GHR: variants seen among roughly 807,000 people sequenced by gnomAD.
The protein encoded by GHR is GH receptor.
Under a neutral mutation model 67.1 loss-of-function variants are expected in GHR, and 35 were observed. The ratio of observed to expected loss-of-function variants is 0.52; its 90% CI spans 0.40 to 0.69. The LOEUF is 0.69. GHR is among the 30% of genes least tolerant of loss of function. The probability of loss-of-function intolerance (pLI) is 0.00; values close to 1 mark genes in which losing one functional copy is unlikely to be tolerated. For missense variants in GHR, 792 were observed against 764.6 expected (o/e 1.04, Z -0.42); for synonymous variants, 272 against 269.1 (o/e 1.01, Z -0.10).
chr5:42,492,788 A>G (rs1746168664), intron 1 of GHR, among the ~76,000 whole-genome samples: 1 of 152,190 alleles, frequency 6.6e-6, no homozygotes, highest in Admixed American at 6.5e-5. Flanking sequence ...AAGCTTTACA[A>G]ATGGGGCAAC....
intron 1 of GHR, among the ~76,000 whole-genome samples, chr5:42,439,437 A>G (rs570336682): frequency 6.6e-6 from 1 of 152,232 alleles, no homozygotes; most frequent in Non-Finnish European, 1.5e-5. Context: ...TCAGAGGTCA[A>G]GTCATTTCTT....
chr5:42,456,065 C>T (rs1008224126), intron 1 of GHR, among the ~76,000 whole-genome samples: 1 of 152,236 alleles, frequency 6.6e-6, no homozygotes, highest in African/African-American at 2.4e-5. Context: ...GTAATCCCAG[C>T]ATTTTGGGAG....
At chr5:42,659,908 T>G (rs755459949) in intron 3 of GHR, among the ~76,000 whole-genome samples, 1 of 152,134 alleles carries the variant, frequency 6.6e-6, no homozygotes, top group African/African-American at 2.4e-5. Flanking sequence ...CCCACCCTAA[T>G]ACTGCGCTTT....
chr5:42,645,277 G>A (rs566358385), intron 3 of GHR, among the ~76,000 whole-genome samples: 13 of 152,140 alleles, frequency 8.5e-5, no homozygotes, highest in African/African-American at 3.1e-4. Flanking sequence ...TATCTGGCAC[G>A]ATGGTATTTG....
intron 2 of GHR, among the ~76,000 whole-genome samples, chr5:42,585,340 G>A (rs1751419196): frequency 1.3e-5 from 2 of 152,248 alleles, no homozygotes; most frequent in South Asian, 2.1e-4. Flanking sequence ...ACAGGTAAAA[G>A]GACCCTAGAT....
intron 3 of GHR, among the ~76,000 whole-genome samples, chr5:42,675,762 T>A (rs1756541754): frequency 6.6e-6 from 1 of 152,206 alleles, no homozygotes. Flanking sequence ...GACACTGCTA[T>A]ACAAATGAGC....
At chr5:42,574,820 G>T (rs1750558563) in intron 2 of GHR, among the ~76,000 whole-genome samples, 1 of 152,124 alleles carries the variant, frequency 6.6e-6, no homozygotes, top group African/African-American at 2.4e-5. Context: ...GAACTGGGTT[G>T]CTATTCACCC....
Position 42,671,722 on chromosome 5 carries a change from C to T in GHR, c.137-17168C>T, listed in dbSNP as rs182246056. ...CTGTAATCCCAGCACTTTGGGAGGC[C>T]GAGGTGGGCGGATCACGAGGTCAGG... is the stretch of plus-strand genomic sequence containing the variant. On this transcript the variant is annotated intron_variant, in intron 3 of 9. Coordinates refer to ENST00000230882, the MANE Select transcript of GHR (RefSeq NM_000163.5). 2.8e-4 allele frequency among the ~76,000 whole-genome samples: 43 copies of T among 151,214 alleles called. 4 individuals are homozygous for T. The highest frequency in any genetic ancestry group is 9.7e-4 in the African/African-American group (40 of 41,280).
chr5:42,469,958 A>C (rs1744923209), intron 1 of GHR, among the ~76,000 whole-genome samples: 1 of 151,692 alleles, frequency 6.6e-6, no homozygotes, highest in Admixed American at 6.6e-5. Context: ...CAGTAATTTA[A>C]GTCTCACCTC....
intron 1 of GHR, among the ~76,000 whole-genome samples, chr5:42,486,106 A>G (rs1170936637): frequency 6.6e-6 from 1 of 152,178 alleles, no homozygotes; most frequent in Non-Finnish European, 1.5e-5. Context: ...CCATTCTAAC[A>G]AGCTCCCAGG....
At chr5:42,597,180 G>A (rs1169906210) in intron 2 of GHR, among the ~76,000 whole-genome samples, 1 of 152,140 alleles carries the variant, frequency 6.6e-6, no homozygotes, top group Admixed American at 6.5e-5. Flanking sequence ...TTACCAATGT[G>A]ATTGAAAGTA....
chr5:42,430,195 A>G (rs984471023), intron 1 of GHR, among the ~76,000 whole-genome samples: 5 of 152,158 alleles, frequency 3.3e-5, no homozygotes, highest in African/African-American at 1.2e-4. Flanking sequence ...GAAGATAGCA[A>G]ATCTGGCTTA....
At chr5:42,635,549 A>T (rs116112673) in intron 3 of GHR, among the ~76,000 whole-genome samples, 63 of 152,342 alleles carry the variant, frequency 4.1e-4, no homozygotes, top group Non-Finnish European at 7.3e-4. Flanking sequence ...TCAGATAATG[A>T]CTGCCATTAG....
At chr5:42,570,142 G>C (rs1289122678) in intron 2 of GHR, among the ~76,000 whole-genome samples, 1 of 152,334 alleles carries the variant, frequency 6.6e-6, no homozygotes, top group South Asian at 2.1e-4. Context: ...TAGAGTCATG[G>C]TTTCAGTTAG....
chr5:42,642,778 G>A (rs1043078177), intron 3 of GHR, among the ~76,000 whole-genome samples: 3 of 152,112 alleles, frequency 2.0e-5, no homozygotes, highest in Non-Finnish European at 4.4e-5. Context: ...CCAAAGTCAA[G>A]GTATGACCAG....
At chr5:42,473,809 A>T (rs115549099) in intron 1 of GHR, among the ~76,000 whole-genome samples, 40 of 151,538 alleles carry the variant, frequency 2.6e-4, no homozygotes, top group African/African-American at 9.4e-4. Flanking sequence ...CCATGGATGC[A>T]GAGGTTGCAA....
intron 1 of GHR, among the ~76,000 whole-genome samples, chr5:42,552,801 A>T (rs1433065061): frequency 1.3e-5 from 2 of 152,210 alleles, no homozygotes; most frequent in Non-Finnish European, 2.9e-5. Flanking sequence ...CTATTGGGTC[A>T]TGAGGGAGAG....
chr5:42,689,251 A>G (rs539113048), intron 4 of GHR, among the ~76,000 whole-genome samples: 1 of 152,348 alleles, frequency 6.6e-6, no homozygotes, highest in South Asian at 2.1e-4. Flanking sequence ...CCCTGGTCTC[A>G]TGGAGATTTC....
intron 4 of GHR, among the ~76,000 whole-genome samples, chr5:42,693,914 C>A (rs984605228): frequency 9.2e-5 from 14 of 152,196 alleles, no homozygotes; most frequent in Admixed American, 6.5e-5. Context: ...CTACCTCACC[C>A]AAGTAGCAAT....
Sources: gnomAD v4.1 joint callset for allele counts (sites outside exome capture counted in the v4.1 genomes callset) on GRCh38, gnomAD v4.1.1 for gene constraint, MANE v1.5 for transcripts, NCBI Gene and HGNC (gene_info 2026-07-23, HGNC 2026-07-21) for gene names.